Variants in ZMYM2 observed in about 807,000 individuals in gnomAD.
ZMYM2 encodes the protein zinc finger MYM-type containing 2.
Under a neutral mutation model 162.8 loss-of-function variants are expected in ZMYM2, and 56 were observed. That is an observed-to-expected ratio of 0.34 (90% CI 0.28 to 0.43). The LOEUF is 0.43. Ranked by LOEUF, ZMYM2 falls within the 20% of genes least tolerant of loss-of-function variation. The pLI is 1.00. For missense variants in ZMYM2, 1,275 were observed against 1,621.8 expected (o/e 0.79, Z 3.67); for synonymous variants, 510 against 541.6 (o/e 0.94, Z 0.81).
chr13:19,874,525 G>T, the ZMYM2 span, among the ~76,000 whole-genome samples: 7 of 152,232 alleles, frequency 4.6e-5, no homozygotes, highest in South Asian at 8.3e-4. Context: ...GATCCACATT[G>T]CCCGGCTCAT....
intron 2 of ZMYM2, among the ~76,000 whole-genome samples, chr13:19,973,667 T>A (rs1956523744): frequency 9.1e-6 from 1 of 110,078 alleles, no homozygotes. Context: ...CGAAACTCCA[T>A]CTCAAAAAAA....
chr13:19,929,390 C>T, the ZMYM2 span, among the ~76,000 whole-genome samples: 15 of 152,184 alleles, frequency 9.9e-5, no homozygotes, highest in Non-Finnish European at 1.8e-4. Context: ...AGGCGCCTGC[C>T]GCCACGCCAG....
chr13:19,975,157 A>T lies in ZMYM2; in HGVS notation c.-11+15131A>T, dbSNP rs566896087. Among the ~76,000 whole-genome samples, 3 of 137,110 alleles carry T rather than the reference A, an allele frequency of 2.2e-5. No homozygotes were observed. In the South Asian group the frequency reaches 7.3e-4, roughly 33 times the overall value. 89.9% of individuals were successfully genotyped at this position (137,110 alleles called of 152,430 possible). A position where few individuals can be genotyped will look rare whatever the true frequency, so the allele number is the denominator to read the frequency against. Reference sequence around the variant, plus strand: ...ATTGTTTTTGGTATTTTTTTCCCCCATATGGTGTCTTCTTTTCTTAAAAAA... The same window carrying T: ...ATTGTTTTTGGTATTTTTTTCCCCCTTATGGTGTCTTCTTTTCTTAAAAAA... On this transcript the variant is annotated intron_variant, in intron 2 of 24. Coordinates refer to ENST00000610343, the MANE Select transcript of ZMYM2 (RefSeq NM_197968.4).
chr13:20,081,758 G>A (rs562687025), intron 21 of ZMYM2, among the ~76,000 whole-genome samples: 12 of 151,824 alleles, frequency 7.9e-5, no homozygotes, highest in Admixed American at 2.0e-4. Flanking sequence ...CTGACAGACT[G>A]AAGATTGTCA....
the ZMYM2 span, among the ~76,000 whole-genome samples, chr13:19,917,054 C>G: frequency 6.6e-6 from 1 of 152,134 alleles, no homozygotes; most frequent in Non-Finnish European, 1.5e-5. Context: ...ACTCTGCCTC[C>G]CGGGTTCACG....
chr13:19,894,610 G>A, the ZMYM2 span, among the ~76,000 whole-genome samples: 7 of 151,928 alleles, frequency 4.6e-5, no homozygotes, highest in African/African-American at 1.2e-4. Context: ...CTCCCAAATC[G>A]TTGGACAGGC....
At position 20,082,123 on chromosome 13, in the gene ZMYM2, T is replaced by G; in HGVS notation, c.3561T>G (p.Leu1187=). 6.3e-7 allele frequency: 1 copy of G among 1,598,660 alleles called. No homozygotes were observed. Among genetic ancestry groups the G allele is most frequent in the East Asian group, 2.3e-5 (1 of 44,334 alleles). Residue 1187 remains leucine (L), a synonymous_variant, in exon 22 of 25, where the codon CTT becomes CTG. Transcript: ENST00000610343. ...KILRSWQPSI[L]PDGSIFSRVE... is the part of the protein sequence containing the mutation. ...TGCGAAGCTGGCAACCAAGCATACT[T>G]CCAGATGGTAATGCTATTTTCACTA...
chr13:19,870,267 TGCCTCA>T, the ZMYM2 span, among the ~76,000 whole-genome samples: 1 of 152,110 alleles, frequency 6.6e-6, no homozygotes, highest in East Asian at 1.9e-4. Flanking sequence ...GCAATCCTCT[TGCCTCA>T]GCCTCCCAAG....
the ZMYM2 span, among the ~76,000 whole-genome samples, chr13:19,948,236 C>T: frequency 9.9e-5 from 15 of 152,146 alleles, no homozygotes; most frequent in Non-Finnish European, 1.8e-4. Context: ...TCCAGTTTAC[C>T]GCTCTCCTTG....
At chr13:19,936,241 A>G in the ZMYM2 span, among the ~76,000 whole-genome samples, 1 of 152,176 alleles carries the variant, frequency 6.6e-6, no homozygotes, top group Non-Finnish European at 1.5e-5. Flanking sequence ...TCTGTGTTAT[A>G]TGGTGATTTT....
rs770218594 is a variant in ZMYM2 at position 20,051,505 on chromosome 13, C to A, written c.2365C>A (p.His789Asn). 1.2e-6 allele frequency: 2 copies of A among 1,613,574 alleles called. No homozygotes were observed. Among genetic ancestry groups the A allele is most frequent in the Admixed American group, 3.3e-5 (2 of 59,996 alleles). Residue 789 changes from histidine to asparagine, a missense_variant, in exon 13 of 25, where the codon CAT (histidine) becomes AAT (asparagine). Physicochemically the swap from His to Asn is moderately conservative, Grantham distance 68. Coordinates refer to ENST00000610343, the MANE Select transcript of ZMYM2 (RefSeq NM_197968.4). ...AGTTCAGTGGCGTGGGGAAATGAAA[C>A]ATTTCTGTGATCAACATTGCTTACT... The part of the protein sequence containing the change: ...ERVQWRGEMK[H>N]FCDQHCLLRF...
intron 12 of ZMYM2, among the ~76,000 whole-genome samples, chr13:20,039,652 G>A (rs554234308): frequency 3.3e-5 from 5 of 151,758 alleles, no homozygotes; most frequent in Non-Finnish European, 7.4e-5. Flanking sequence ...TTTTTTGTGT[G>A]TTTTTAGTAG....
chr13:19,871,096 A>G, the ZMYM2 span, among the ~76,000 whole-genome samples: 4 of 151,608 alleles, frequency 2.6e-5, no homozygotes, highest in African/African-American at 9.8e-5. Context: ...AGCAAAACAA[A>G]AATAGAAAAC....
intron 21 of ZMYM2, among the ~76,000 whole-genome samples, chr13:20,075,626 C>T (rs1306119487): frequency 6.9e-6 from 1 of 144,090 alleles, no homozygotes; most frequent in Non-Finnish European, 1.5e-5. Context: ...TATGTGAACA[C>T]ATATCCGTCA....
intron 2 of ZMYM2, among the ~76,000 whole-genome samples, chr13:19,968,813 T>TA (rs1399938222): frequency 6.6e-6 from 1 of 152,222 alleles, no homozygotes; most frequent in Non-Finnish European, 1.5e-5. Flanking sequence ...AGCCTGGACT[T>TA]AAAAACCCTT....
intron 4 of ZMYM2, among the ~76,000 whole-genome samples, 175 bp downstream of exon 4, chr13:20,003,310 ATAAT>A (rs1345587716): frequency 2.2e-4 from 34 of 152,212 alleles, no homozygotes; most frequent in Non-Finnish European, 2.4e-4. Flanking sequence ...ATAGGTCCTT[ATAAT>A]TAATTTTGTC....
chr13:19,993,442 G>A lies in ZMYM2; in HGVS notation c.370G>A (p.Asp124Asn), dbSNP rs1949785332. The A allele has an allele frequency of 6.2e-7, 1 of 1,613,912 alleles. No individual in the cohort carries two copies. Among genetic ancestry groups the A allele is most frequent in the Non-Finnish European group, 8.5e-7 (1 of 1,179,902 alleles). Residue 124 changes from aspartate (D) to asparagine (N), a missense_variant, in exon 3 of 25, where the codon GAC (aspartate) becomes AAC (asparagine). Asp to Asn is a conservative substitution (Grantham distance 23). This residue lies in a region of ZMYM2 where 295 missense variants were observed against 286.7 expected (regional missense o/e 1.03). Coordinates refer to ENST00000610343, the MANE Select transcript of ZMYM2 (RefSeq NM_197968.4). ...GACAATTGTCATTGATGATGAAGAG[G>A]ACATGGAAACAAATCAAGGGCAAGA... ...SETIVIDDEE[D>N]METNQGQEKN... is the part of the protein sequence containing the mutation.
chr13:19,907,574 A>G, the ZMYM2 span, among the ~76,000 whole-genome samples: 2 of 152,092 alleles, frequency 1.3e-5, no homozygotes, highest in East Asian at 1.9e-4. Context: ...AGCCTGGCCA[A>G]CATGGTGAAA....
chr13:20,037,040 A>G (rs1953770171), intron 12 of ZMYM2, 131 bp downstream of exon 12: 5 of 731,272 alleles, frequency 6.8e-6, no homozygotes, highest in African/African-American at 3.7e-5. Flanking sequence ...TGATAATACT[A>G]TTCATTAAAA....
Sources: allele counts gnomAD v4.1 joint callset (sites outside exome capture counted in the v4.1 genomes callset), GRCh38; gene constraint gnomAD v4.1.1; regional missense constraint gnomAD v4.1.1; transcripts MANE v1.5; gene names NCBI Gene and HGNC (gene_info 2026-07-23, HGNC 2026-07-21).